Variants in ORC1 observed in about 807,000 individuals in gnomAD.
ORC1 encodes the protein origin recognition complex subunit 1.
ORC1 carries 61 observed loss-of-function variants against 98.9 expected under a neutral mutation model. That is an observed-to-expected ratio of 0.62 (90% confidence interval 0.50 to 0.76). The LOEUF (loss-of-function observed/expected upper bound fraction) is 0.76, where lower values mean the gene tolerates loss of function less well. Ranked by LOEUF, ORC1 falls within the 30% of genes least tolerant of loss-of-function variation. The pLI is 0.00. For synonymous variants in ORC1, 385 were observed against 406.9 expected (o/e 0.95, Z 0.65); for missense variants, 979 against 1,072.2 (o/e 0.91, Z 1.21).
chr1:52,399,623 C>CAAA (rs1198516466), intron 3 of ORC1, among the ~76,000 whole-genome samples: 7 of 64,090 alleles, frequency 1.1e-4, no homozygotes, highest in African/African-American at 1.6e-4. Context: ...GACTCTGTCT[C>CAAA]AAAAAAAAAA....
In ORC1 at chr1:52,388,494, C is replaced by A; in HGVS notation, c.1331G>T (p.Arg444Leu). Residue 444 changes from arginine to leucine, a missense_variant, in exon 8 of 17, where the codon CGA becomes CTA. Coordinates refer to ENST00000371568, the MANE Select transcript of ORC1 (RefSeq NM_004153.4). ...ATGTAAGGATGACTTCAAGGAAGATCGCAGGTTCCTGGACACAGTTCTGGG... is the reference window on the plus strand; with the variant it reads ...ATGTAAGGATGACTTCAAGGAAGATAGCAGGTTCCTGGACACAGTTCTGGG... ...RAPRTVSRNL[R>L]SSLKSSLHTL... 11 of 1,614,126 alleles carry A rather than the reference C, an allele frequency of 6.8e-6. No individual in the cohort carries two copies. The highest frequency in any genetic ancestry group is 1.3e-5 in the African/African-American group (1 of 75,048).
upstream of ORC1, chr1:52,404,712 AAAGGATCCGACGGAAATAGAATTG>A (rs759439348): frequency 1.9e-6 from 3 of 1,604,020 alleles, no homozygotes; most frequent in Non-Finnish European, 2.6e-6. Context: ...GTGAGGCATT[AAAGGATCCGACGGAAATAGAATTG>A]AAGGCATTCT....
At chr1:52,383,732 G>A (rs1160475272) in intron 12 of ORC1, 98 bp downstream of exon 12, 56 of 1,287,316 alleles carry the variant, frequency 4.4e-5, no homozygotes, top group Non-Finnish European at 6.3e-5. Context: ...GGGCTCATAT[G>A]AATGGAGAAG....
Position 52,397,867 on chromosome 1 carries a change from G to C in ORC1, c.224-4C>G. ...TTCTTAGGAGGAGGATCAGAGTCTA[G>C]AAAGAATTTGGTGGAAAGGGAAAGG... is the stretch of plus-strand genomic sequence containing the variant. On this transcript the variant is annotated splice_polypyrimidine_tract_variant and splice_region_variant and intron_variant, in intron 3 of 16. Coordinates refer to ENST00000371568, the MANE Select transcript of ORC1 (RefSeq NM_004153.4). 3.1e-6 allele frequency: 5 copies of C among 1,614,052 alleles called. No individual in the cohort carries two copies. The highest frequency in any genetic ancestry group is 2.2e-5 in the East Asian group (1 of 44,888).
Position 52,383,408 on chromosome 1 carries a change from C to T in ORC1, c.2013+12G>A. 2 of 1,612,212 alleles carry T rather than the reference C, an allele frequency of 1.2e-6. No homozygotes were observed. The highest frequency in any genetic ancestry group is 1.1e-5 in the South Asian group (1 of 90,996). ...TCTGCAAGAACAGCATGGGAACTGC[C>T]CTAGAACCTACCAGTCGGCTGGACA... On this transcript the variant is annotated intron_variant, in intron 13 of 16. Transcript: ENST00000371568.
At chr1:52,403,429 A>G (rs114762076) in intron 1 of ORC1, among the ~76,000 whole-genome samples, 5 of 152,242 alleles carry the variant, frequency 3.3e-5, no homozygotes, top group Admixed American at 1.3e-4. Flanking sequence ...CAAACCTCCT[A>G]AAGTCCACAT....
In ORC1 at chr1:52,389,205, G is replaced by C; in HGVS notation, c.1187+12C>G. 6.3e-7 allele frequency: 1 copy of C among 1,587,634 alleles called. No homozygotes were observed. The highest frequency in any genetic ancestry group is 8.7e-7 in the Non-Finnish European group (1 of 1,155,870). On this transcript the variant is annotated intron_variant, in intron 7 of 16. Coordinates refer to ENST00000371568, the MANE Select transcript of ORC1 (RefSeq NM_004153.4). ...CAGCAATGTTTCTCTGCCTGCCAAG[G>C]AGTAGTCTTACCGAAGCTGCTGCCT...
At chr1:52,385,763 G>T in intron 9 of ORC1, 89 bp downstream of exon 9, 1 of 843,292 alleles carries the variant, frequency 1.2e-6, no homozygotes, top group African/African-American at 1.7e-5. Flanking sequence ...ACCTTTATTA[G>T]GTAGACCAGT....
chr1:52,399,623 C>CA (rs1198516466), intron 3 of ORC1, among the ~76,000 whole-genome samples: 2,427 of 63,606 alleles, frequency 0.038, 50 homozygotes, highest in Non-Finnish European at 0.048. Context: ...GACTCTGTCT[C>CA]AAAAAAAAAA....
chr1:52,395,699 C>G lies in ORC1; in HGVS notation c.721+347G>C, dbSNP rs149776474. On this transcript the variant is annotated intron_variant, in intron 5 of 16. Coordinates refer to ENST00000371568, the MANE Select transcript of ORC1 (RefSeq NM_004153.4). ...GGCATAGTGGTACACACTTGTAGTC[C>G]CAGCTACTTGGGAGACTGAGGAAGG... Among the ~76,000 whole-genome samples, 104 of 152,188 alleles carry G rather than the reference C, an allele frequency of 6.8e-4. No individual in the cohort carries two copies. The East Asian group carries it at 0.018, about 26-fold the overall frequency.
chr1:52,383,639 T>C (rs1256278317), intron 12 of ORC1, 70 bp from the exon 13 acceptor site: 4 of 1,530,672 alleles, frequency 2.6e-6, no homozygotes, highest in Non-Finnish European at 3.6e-6. Flanking sequence ...AATGAAGACC[T>C]ATAACCACTG....
intron 3 of ORC1, among the ~76,000 whole-genome samples, chr1:52,398,627 A>G (rs1282208111): frequency 1.3e-5 from 2 of 148,556 alleles, no homozygotes; most frequent in African/African-American, 5.0e-5. Context: ...TGTCACCTGG[A>G]CTGGAGTGCA....
chr1:52,379,951 AC>A (rs1647040068), intron 14 of ORC1, among the ~76,000 whole-genome samples: 1 of 152,158 alleles, frequency 6.6e-6, no homozygotes, highest in Non-Finnish European at 1.5e-5. Flanking sequence ...AACAAAAAAA[AC>A]AAAGGAAATT....
At chr1:52,392,549 C>T (rs1557580433) in intron 6 of ORC1, among the ~76,000 whole-genome samples, 1 of 152,116 alleles carries the variant, frequency 6.6e-6, no homozygotes, top group African/African-American at 2.4e-5. Context: ...AGCAATCCCA[C>T]TCCTGGGTAT....
At chr1:52,379,501 C>T (rs921871677) in intron 14 of ORC1, among the ~76,000 whole-genome samples, 2 of 151,768 alleles carry the variant, frequency 1.3e-5, no homozygotes, top group Non-Finnish European at 2.9e-5. Context: ...CCTCAGCCTC[C>T]CAAAGTGCTG....
chr1:52,391,202 A>T (rs1022741974), intron 6 of ORC1, among the ~76,000 whole-genome samples: 3 of 148,038 alleles, frequency 2.0e-5, no homozygotes, highest in African/African-American at 7.5e-5. Context: ...CCAGCTACTC[A>T]GGAGGCTGAG....
chr1:52,402,294 G>T, intron 1 of ORC1, 66 bp from the exon 2 acceptor site: 1 of 1,177,086 alleles, frequency 8.5e-7, no homozygotes, highest in Non-Finnish European at 1.3e-6. Context: ...TGGATTCTAA[G>T]ACATAGTCAG....
intron 8 of ORC1, 65 bp downstream of exon 8, chr1:52,388,377 G>C: frequency 7.7e-7 from 1 of 1,295,238 alleles, no homozygotes; most frequent in Non-Finnish European, 1.1e-6. Flanking sequence ...TGTGACTTCA[G>C]CATTTGTAAC....
At chr1:52,379,078 A>G (rs1647029865) in intron 14 of ORC1, among the ~76,000 whole-genome samples, 2 of 152,068 alleles carry the variant, frequency 1.3e-5, no homozygotes, top group South Asian at 2.1e-4. Context: ...TTAGAAAGAC[A>G]TGGAAGAGTA....
Sources: allele counts gnomAD v4.1 joint callset (sites outside exome capture counted in the v4.1 genomes callset), GRCh38; gene constraint gnomAD v4.1.1; transcripts MANE v1.5; gene names NCBI Gene and HGNC (gene_info 2026-07-23, HGNC 2026-07-21).